The following ERMAP variants were observed in gnomAD, a reference collection of about 807,000 sequenced individuals.
ERMAP encodes erythroblast membrane associated protein (Scianna blood group).
In ERMAP, 34 loss-of-function variants were observed where a neutral mutation model predicts 49.5. That is an observed-to-expected ratio of 0.69 (90% CI 0.52 to 0.91). The LOEUF (loss-of-function observed/expected upper bound fraction) is 0.91. Ranked by LOEUF, ERMAP falls within the 40% of genes least tolerant of loss-of-function variation. The pLI is 0.00. For synonymous variants in ERMAP, 214 were observed against 232.2 expected (o/e 0.92, Z 0.71); for missense variants, 541 against 582.6 (o/e 0.93, Z 0.74).
At chr1:42,837,867 C>G (rs1354278273) in intron 7 of ERMAP, 2 of 152,516 alleles carry the variant, frequency 1.3e-5, no homozygotes, top group East Asian at 3.8e-4. Context: ...ATGTCAGCGT[C>G]TCCTCTCTTC....
chr1:42,825,950 G>T (rs906003815), intron 2 of ERMAP, among the ~76,000 whole-genome samples: 2 of 152,170 alleles, frequency 1.3e-5, no homozygotes, highest in African/African-American at 4.8e-5. Context: ...TATTTAAGTA[G>T]TATTGTCATC....
chr1:42,840,968 C>A (rs1408112641), intron 11 of ERMAP, among the ~76,000 whole-genome samples: 1 of 152,212 alleles, frequency 6.6e-6, no homozygotes, highest in Non-Finnish European at 1.5e-5. Flanking sequence ...CAACAATATA[C>A]ATTATGAAAA....
intron 11 of ERMAP, chr1:42,842,082 T>C (rs1288044717): frequency 1.2e-5 from 2 of 165,758 alleles, no homozygotes; most frequent in African/African-American, 4.8e-5. Context: ...TGACCTGCTT[T>C]ATCATAACCT....
At chr1:42,817,860 A>ATAT (rs1654289675) in intron 1 of ERMAP, 1 of 152,250 alleles carries the variant, frequency 6.6e-6, no homozygotes, top group African/African-American at 2.4e-5. Context: ...TAGCTACCTT[A>ATAT]CATTTGGGCT....
At chr1:42,834,834 C>T (rs777792343) in intron 4 of ERMAP, 34 of 493,320 alleles carry the variant, frequency 6.9e-5, no homozygotes, top group Admixed American at 6.8e-5. Context: ...GTATTACAGG[C>T]GTGAGCCACC....
chr1:42,818,626 C>A (rs1371316164), intron 1 of ERMAP, among the ~76,000 whole-genome samples: 1 of 152,108 alleles, frequency 6.6e-6, no homozygotes, highest in Non-Finnish European at 1.5e-5. Flanking sequence ...CACCATCATG[C>A]CTGGCTAATT....
chr1:42,830,599 G>T, intron 3 of ERMAP, 66 bp downstream of exon 3: 1 of 1,562,242 alleles, frequency 6.4e-7, no homozygotes. Context: ...GAATAAGGAA[G>T]CTTGGCTGGA....
chr1:42,818,801 C>T (rs190446056), intron 1 of ERMAP, among the ~76,000 whole-genome samples: 15 of 152,246 alleles, frequency 9.9e-5, no homozygotes, highest in Non-Finnish European at 1.3e-4. Flanking sequence ...AACGTTTATA[C>T]TTTAGCAATC....
rs1412233142 is a variant in ERMAP at position 42,825,734 on chromosome 1, A to C, written c.-10A>C. 1.6e-6 allele frequency: 2 copies of C among 1,289,290 alleles called. No individual in the cohort carries two copies. Among genetic ancestry groups the C allele is most frequent in the Non-Finnish European group, 2.0e-6 (2 of 988,880 alleles). The allele number at this position is 1,289,290 out of a possible 1,614,324, so 79.9% of individuals were successfully genotyped here. ...GAGGAACAAGCGTCCCTGATCCAGA[A>C]GGTGGTGAGTCCTCCTCTCTCTCTT... On this transcript the variant is annotated 5_prime_UTR_variant, in exon 2 of 12. Coordinates refer to ENST00000372517, the MANE Select transcript of ERMAP (RefSeq NM_001017922.2).
chr1:42,822,482 C>A (rs1445232965), intron 1 of ERMAP, among the ~76,000 whole-genome samples: 2 of 152,136 alleles, frequency 1.3e-5, no homozygotes, highest in African/African-American at 4.8e-5. Context: ...CTGCACCCAG[C>A]CCTAATTAAT....
At chr1:42,832,343 C>T (rs1376920013) in intron 4 of ERMAP, among the ~76,000 whole-genome samples, 1 of 150,802 alleles carries the variant, frequency 6.6e-6, no homozygotes, top group African/African-American at 2.4e-5. Flanking sequence ...TGGTGCCCGC[C>T]ACCATGGCCA....
intron 4 of ERMAP, among the ~76,000 whole-genome samples, chr1:42,833,443 T>G (rs146691078): frequency 6.6e-6 from 1 of 152,342 alleles, no homozygotes; most frequent in African/African-American, 2.4e-5. Context: ...ATTTTTCCAC[T>G]TATGATATCA....
chr1:42,840,979 G>T (rs1655042650), intron 11 of ERMAP, among the ~76,000 whole-genome samples: 1 of 152,194 alleles, frequency 6.6e-6, no homozygotes, highest in Non-Finnish European at 1.5e-5. Flanking sequence ...ATTATGAAAA[G>T]ATTTGCACCT....
rs1010517765 is a variant in ERMAP at position 42,830,764 on chromosome 1, C to T, written c.86-4C>T. ...CAGTTGGCCTTGTCTCTTTTTTTGT[C>T]CAGGCCACGCAGGGGATGCCGGCAA... On this transcript the variant is annotated splice_polypyrimidine_tract_variant and splice_region_variant and intron_variant, in intron 3 of 11. Transcript: ENST00000372517. 8.5e-6 allele frequency: 13 copies of T among 1,522,440 alleles called. No individual in the cohort carries two copies. In the Admixed American group the frequency reaches 1.1e-4, roughly 12 times the overall value. 94.3% of individuals were successfully genotyped at this position (1,522,440 alleles called of 1,614,324 possible).
In ERMAP at chr1:42,839,571, T is replaced by C. The variant is rs533287099; in HGVS notation, c.638-462T>C. 8 of 190,634 alleles carry C rather than the reference T, an allele frequency of 4.2e-5. No individual in the cohort carries two copies. The East Asian group carries it at 6.6e-4, about 16-fold the overall frequency. 11.8% of individuals were successfully genotyped at this position (190,634 alleles called of 1,614,324 possible). A position where few individuals can be genotyped will look rare whatever the true frequency, so the allele number is the denominator to read the frequency against. ...GTTGCAGTGAGCCGAGATTGCACTA[T>C]TGTACTCCAGCCTGGGCAAAAAGAG... On this transcript the variant is annotated intron_variant, in intron 8 of 11. Coordinates refer to ENST00000372517, the MANE Select transcript of ERMAP (RefSeq NM_001017922.2).
At chr1:42,826,383 AT>A (rs35807381) in intron 2 of ERMAP, among the ~76,000 whole-genome samples, 30,782 of 151,784 alleles carry the variant, frequency 0.2, 3,629 homozygotes, top group Non-Finnish European at 0.25. Context: ...AAATTGGCAA[AT>A]TTTTTTTTAA....
intron 1 of ERMAP, among the ~76,000 whole-genome samples, chr1:42,818,787 A>G (rs35899462): frequency 0.33 from 49,711 of 152,126 alleles, 8,660 homozygotes; most frequent in East Asian, 0.65. Flanking sequence ...AAATTTCTAC[A>G]GTAAACGTTT....
chr1:42,836,918 A>T, intron 6 of ERMAP: 1 of 391,004 alleles, frequency 2.6e-6, no homozygotes, highest in Non-Finnish European at 4.6e-6. Context: ...AAAAAAAAAA[A>T]ACTAAACAAT....
Position 42,842,575 on chromosome 1 carries a change from A to C in ERMAP, c.771A>C (p.Gln257His). The C allele has an allele frequency of 6.2e-7, 1 of 1,614,130 alleles. No homozygotes were observed. The highest frequency in any genetic ancestry group is 8.5e-7 in the Non-Finnish European group (1 of 1,180,018). The change falls in exon 12 of 12, where the codon CAA becomes CAC. Residue 257 changes from glutamine to histidine, a missense_variant. Coordinates refer to ENST00000372517, the MANE Select transcript of ERMAP (RefSeq NM_001017922.2). ...AHPKLILSED[Q>H]RCVRLGDRRQ... ...CCAAACTCATCCTTTCTGAGGACCA[A>C]AGATGTGTAAGGCTTGGAGACAGAC...
Sources: gnomAD v4.1 joint callset for allele counts (sites outside exome capture counted in the v4.1 genomes callset) on GRCh38, gnomAD v4.1.1 for gene constraint, MANE v1.5 for transcripts, NCBI Gene and HGNC (gene_info 2026-07-23, HGNC 2026-07-21) for gene names.